Variants in CUBN observed in about 807,000 individuals in gnomAD.
CUBN encodes the protein 460 kDa receptor.
In CUBN, 282 loss-of-function variants were observed where a neutral mutation model predicts 405.3. That is an observed-to-expected ratio of 0.70 (90% CI 0.63 to 0.77). The LOEUF is 0.77. CUBN is among the 30% of genes least tolerant of loss of function. The pLI, the probability that CUBN is intolerant of heterozygous loss-of-function variation, is 0.00. For synonymous variants in CUBN, 1,684 were observed against 1,617.0 expected (o/e 1.04, Z -0.99); for missense variants, 4,514 against 4,475.2 (o/e 1.01, Z -0.25).
In CUBN at chr10:17,115,302, T is replaced by C. The variant is rs148439478; in HGVS notation, c.720+169A>G. Among the ~76,000 whole-genome samples the C allele has an allele frequency of 8.6e-4, 131 of 151,944 alleles. 1 individual carries two copies. The highest frequency in any genetic ancestry group is 3.1e-3 in the African/African-American group (127 of 41,424). Reference sequence around the variant, plus strand: ...TAATGACATCTTAATCTCTGGGTCCTACTTCCTGCATAGTTCATCTCCCCT... The same window carrying C: ...TAATGACATCTTAATCTCTGGGTCCCACTTCCTGCATAGTTCATCTCCCCT... On this transcript the variant is annotated intron_variant, in intron 7 of 66. Transcript: ENST00000377833.
chr10:17,001,527 T>C (rs1478473833), intron 28 of CUBN, among the ~76,000 whole-genome samples: 1 of 152,218 alleles, frequency 6.6e-6, no homozygotes. Flanking sequence ...TGCTTCAAGC[T>C]AGACAGAAAA....
intron 39 of CUBN, 150 bp from the exon 40 acceptor site, chr10:16,933,434 C>A: frequency 1.4e-6 from 1 of 706,414 alleles, no homozygotes; most frequent in Admixed American, 2.6e-5. Context: ...CGTATGTAAC[C>A]CACTGATTCG....
intron 27 of CUBN, among the ~76,000 whole-genome samples, chr10:17,022,719 G>A (rs1208878435): frequency 3.9e-5 from 6 of 152,188 alleles, no homozygotes; most frequent in African/African-American, 9.7e-5. Context: ...ATGAAGTACA[G>A]TTCTAAACTA....
At chr10:16,869,447 A>G (rs1454558541) in intron 59 of CUBN, among the ~76,000 whole-genome samples, 189 bp downstream of exon 59, 3 of 148,844 alleles carry the variant, frequency 2.0e-5, no homozygotes, top group African/African-American at 7.4e-5. Context: ...ACATTTGTTG[A>G]GTGATTTTTT....
intron 47 of CUBN, 83 bp downstream of exon 47, chr10:16,914,949 C>T: frequency 2.3e-6 from 3 of 1,277,642 alleles, no homozygotes; most frequent in Non-Finnish European, 3.4e-6. Context: ...TTTTGTTTTT[C>T]AAATATTTTA....
At chr10:16,837,758 T>C (rs906777869) in intron 62 of CUBN, among the ~76,000 whole-genome samples, 5 of 152,158 alleles carry the variant, frequency 3.3e-5, no homozygotes, top group Non-Finnish European at 7.4e-5. Context: ...AGCTCATCCG[T>C]CAATGTTTGT....
chr10:16,913,124 T>G (rs527533072), intron 48 of CUBN, among the ~76,000 whole-genome samples: 1 of 152,262 alleles, frequency 6.6e-6, no homozygotes, highest in East Asian at 1.9e-4. Flanking sequence ...CATCAAGATT[T>G]TTGACCCAAG....
chr10:17,045,225 T>C, intron 24 of CUBN, 37 bp from the exon 25 acceptor site: 1 of 1,600,182 alleles, frequency 6.2e-7, no homozygotes, highest in Non-Finnish European at 8.6e-7. Flanking sequence ...CACACCCCTT[T>C]CCTTCTGGGG....
rs1053067966 is a variant in CUBN at position 16,888,464 on chromosome 10, T to C, written c.8858A>G (p.Asn2953Ser). 1.9e-6 allele frequency: 3 copies of C among 1,613,188 alleles called. No individual in the cohort carries two copies. The African/African-American group carries it at 4.0e-5, about 22-fold the overall frequency. Residue 2953 changes from asparagine (N) to serine (S), a missense_variant, in exon 56 of 67, where the codon AAT (asparagine) becomes AGT (serine). By Grantham distance (46) the Asn-to-Ser change is conservative (BLOSUM62 1). Coordinates refer to ENST00000377833, the MANE Select transcript of CUBN (RefSeq NM_001081.4). ...NMNCTYVIEA[N>S]PLSVVLLTFV... ...AGTCAAGAGGACCACTGACAGAGGATTAGCCTCTATGACATAGGTGCAATT... is the reference window on the plus strand; with the variant it reads ...AGTCAAGAGGACCACTGACAGAGGACTAGCCTCTATGACATAGGTGCAATT...
At chr10:17,019,358 T>G (rs1249730128) in intron 28 of CUBN, among the ~76,000 whole-genome samples, 1 of 152,076 alleles carries the variant, frequency 6.6e-6, no homozygotes, top group Admixed American at 6.6e-5. Flanking sequence ...CAAATTCTCC[T>G]CCTCTCAGGC....
chr10:16,829,848 G>A (rs568978882), intron 65 of CUBN, among the ~76,000 whole-genome samples: 16 of 151,890 alleles, frequency 1.1e-4, no homozygotes, highest in African/African-American at 3.6e-4. Flanking sequence ...TTGAGATGGA[G>A]TCTTGCTCTG....
chr10:17,044,048 C>T, intron 25 of CUBN, 65 bp from the exon 26 acceptor site: 1 of 1,281,672 alleles, frequency 7.8e-7, no homozygotes, highest in South Asian at 1.3e-5. Flanking sequence ...GGACTATAAT[C>T]CAGAAGAAGT....
intron 36 of CUBN, 124 bp from the exon 37 acceptor site, chr10:16,940,361 A>T (rs1261420779): frequency 1.1e-6 from 1 of 928,844 alleles, no homozygotes; most frequent in African/African-American, 1.6e-5. Flanking sequence ...TGATCACAAC[A>T]TTATTTGGCT....
chr10:17,014,198 CTTACTTAGGTATGCCACTGG>C (rs1296977638), intron 28 of CUBN, among the ~76,000 whole-genome samples: 1 of 152,192 alleles, frequency 6.6e-6, no homozygotes, highest in East Asian at 1.9e-4. Flanking sequence ...TATCAATTTT[CTTACTTAGGTATGCCACTGG>C]TTGTGGGGTT....
intron 30 of CUBN, among the ~76,000 whole-genome samples, chr10:16,983,482 T>G (rs1833336847): frequency 6.6e-6 from 1 of 152,208 alleles, no homozygotes; most frequent in Non-Finnish European, 1.5e-5. Flanking sequence ...AAGATGAGGA[T>G]ATGAAGCGGA....
chr10:17,007,754 C>T (rs1446260669), intron 28 of CUBN, among the ~76,000 whole-genome samples: 1 of 152,186 alleles, frequency 6.6e-6, no homozygotes, highest in Non-Finnish European at 1.5e-5. Context: ...GCGGGGCTGT[C>T]CTGAGCCCTC....
intron 61 of CUBN, 125 bp downstream of exon 61, chr10:16,840,760 A>G: frequency 1.1e-6 from 1 of 912,428 alleles, no homozygotes; most frequent in Non-Finnish European, 1.8e-6. Flanking sequence ...CATTGAGTTT[A>G]GATAGTAATT....
At chr10:17,047,066 G>A (rs903012334) in intron 23 of CUBN, among the ~76,000 whole-genome samples, 2 of 152,072 alleles carry the variant, frequency 1.3e-5, no homozygotes, top group African/African-American at 4.8e-5. Flanking sequence ...ACAGCAAACA[G>A]CCTAAAATTT....
chr10:16,865,082 C>A (rs1182885963), intron 59 of CUBN, among the ~76,000 whole-genome samples: 1 of 150,308 alleles, frequency 6.7e-6, no homozygotes, highest in Non-Finnish European at 1.5e-5. Flanking sequence ...GATTCTCCTG[C>A]CTCAGCCTCC....
Sources: gnomAD v4.1 joint callset for allele counts (sites outside exome capture counted in the v4.1 genomes callset) on GRCh38, gnomAD v4.1.1 for gene constraint, MANE v1.5 for transcripts, NCBI Gene and HGNC (gene_info 2026-07-23, HGNC 2026-07-21) for gene names.